The following PKD1 variants were observed in gnomAD, a reference collection of about 807,000 sequenced individuals.
PKD1 encodes the protein polycystin-1.
Under a neutral mutation model 361.7 loss-of-function variants are expected in PKD1, and 81 were observed. That is an observed-to-expected ratio of 0.22 (90% confidence interval 0.19 to 0.27). The LOEUF (loss-of-function observed/expected upper bound fraction) is 0.27, where lower values mean the gene tolerates loss of function less well. PKD1 is among the 10% of genes least tolerant of loss of function. The pLI, the probability that PKD1 is intolerant of heterozygous loss-of-function variation, is 1.00. For missense variants in PKD1, 6,399 were observed against 6,118.3 expected (o/e 1.05, Z -1.53); for synonymous variants, 3,615 against 2,818.3 (o/e 1.28, Z -8.95).
intron 32 of PKD1, 31 bp from the exon 33 acceptor site, chr16:2,097,534 G>C (rs1174858763): frequency 1.2e-6 from 2 of 1,602,446 alleles, no homozygotes; most frequent in East Asian, 2.2e-5. Flanking sequence ...CAAGGTACCA[G>C]GGGATGTGTC....
chr16:2,112,684 C>T (rs1349077479), intron 13 of PKD1, 104 bp downstream of exon 13: 11 of 1,304,360 alleles, frequency 8.4e-6, no homozygotes, highest in East Asian at 2.5e-5. Context: ...ACAGGGAAAC[C>T]GAGGCTCAGA....
chr16:2,118,541 C>T lies in PKD1; in HGVS notation c.530-79G>A. On this transcript the variant is annotated intron_variant, in intron 4 of 45. Transcript: ENST00000262304. This position sits in a 1 kb window ranked among gnomAD's most constrained non-coding sequence, Gnocchi z 6.0. Reference sequence around the variant, plus strand: ...CGCCCCCACATCCGCCCGCCGCACTCACAGGCTCCCATGCTGTTCCCTTGG... The same window carrying T: ...CGCCCCCACATCCGCCCGCCGCACTTACAGGCTCCCATGCTGTTCCCTTGG... 4 of 1,267,750 alleles carry T rather than the reference C, an allele frequency of 3.2e-6. No homozygotes were observed. Among genetic ancestry groups the T allele is most frequent in the Non-Finnish European group, 4.4e-6 (4 of 903,528 alleles). 78.5% of individuals were successfully genotyped at this position (1,267,750 alleles called of 1,614,324 possible).
rs764087505 is a variant in PKD1 at position 2,109,044 on chromosome 16, G to T, written c.6123C>A (p.Arg2041=). 2 of 1,607,916 alleles carry T rather than the reference G, an allele frequency of 1.2e-6. No individual in the cohort carries two copies. The highest frequency in any genetic ancestry group is 2.2e-5 in the South Asian group (2 of 90,970). The change falls in exon 15 of 46, where the codon CGC becomes CGA. Residue 2041 remains arginine (R), a synonymous_variant. Transcript: ENST00000262304. ...VAAGLLEIQV[R]AFNALGSENR... Reference sequence around the variant, plus strand: ...TCTCACTGCCCAGGGCGTTGAAGGCGCGCACCTGGATCTCCAACAGCCCCG... The same window carrying T: ...TCTCACTGCCCAGGGCGTTGAAGGCTCGCACCTGGATCTCCAACAGCCCCG...
At position 2,103,494 on chromosome 16, in the gene PKD1, T is replaced by C. The variant is rs778092461; in HGVS notation, c.8563A>G (p.Thr2855Ala). The change falls in exon 23 of 46, where the codon ACA becomes GCA. Residue 2855 changes from threonine to alanine, a missense_variant. By Grantham distance (58) the Thr-to-Ala change is moderately conservative. Transcript: ENST00000262304. The stretch of plus-strand genomic sequence containing the variant: ...ATGGGGATCTGGGCGCCGGCCTGTG[T>C]CTGGAATGCCATCGAGGCCACCTTG... The part of the protein sequence containing the change: ...STKVASMAFQ[T>A]QAGAQIPIER... 2 of 1,603,574 alleles carry C rather than the reference T, an allele frequency of 1.2e-6. No individual in the cohort carries two copies. The highest frequency in any genetic ancestry group is 2.2e-5 in the South Asian group (2 of 90,992).
chr16:2,090,564 G>A lies in PKD1; in HGVS notation c.12165C>T (p.Leu4055=), dbSNP rs375183934. ...ILLVSSCVDS[L]WSVAQALLVL... ...CCAACAGGGCCTGGGCCACGCTCCA[G>A]AGGGAGTCCACACAGGAAGACACGA... Residue 4055 remains leucine, a synonymous_variant, in exon 45 of 46, where the codon CTC becomes CTT. Coordinates refer to ENST00000262304, the MANE Select transcript of PKD1 (RefSeq NM_001009944.3). 11 of 1,609,130 alleles carry A rather than the reference G, an allele frequency of 6.8e-6. No individual in the cohort carries two copies. The highest frequency in any genetic ancestry group is 2.2e-5 in the East Asian group (1 of 44,860).
intron 1 of PKD1, among the ~76,000 whole-genome samples, chr16:2,131,220 C>T (rs1336169979): frequency 2.6e-5 from 4 of 152,136 alleles, no homozygotes; most frequent in Non-Finnish European, 4.4e-5. Context: ...TAGACATCAT[C>T]GGACATTTAA....
rs548165221 is a variant in PKD1 at position 2,107,837 on chromosome 16, G to A, written c.7065+46C>T. The A allele has an allele frequency of 1.5e-5, 23 of 1,524,954 alleles. No individual in the cohort carries two copies. In the South Asian group the frequency reaches 2.6e-4, roughly 17 times the overall value. 94.5% of individuals were successfully genotyped at this position (1,524,954 alleles called of 1,614,324 possible). A position where few individuals can be genotyped will look rare whatever the true frequency, so the allele number is the denominator to read the frequency against. On this transcript the variant is annotated intron_variant, in intron 16 of 45. Coordinates refer to ENST00000262304, the MANE Select transcript of PKD1 (RefSeq NM_001009944.3). ...ACGGAAAACAGTAGATGACCAGGGA[G>A]GCTGGGCTGTCCAAGGCAAGTGGCC... is the stretch of plus-strand genomic sequence containing the variant.
rs750872411 is a variant in PKD1, at chr16:2,093,968, G to A, written c.10664C>T (p.Ala3555Val). ...CAGGCTGAGCCCGTGGGCCAGGGAGGCACACCAGGCCGGCAGCAGGCGCTT... is the reference window on the plus strand; with the variant it reads ...CAGGCTGAGCCCGTGGGCCAGGGAGACACACCAGGCCGGCAGCAGGCGCTT... ...LRKRLLPAWC[A>V]SLAHGLSLLL... Residue 3555 changes from alanine (A) to valine (V), a missense_variant, in exon 36 of 46, where the codon GCC becomes GTC. By Grantham distance (64) the Ala-to-Val change is moderately conservative (BLOSUM62 0). Coordinates refer to ENST00000262304, the MANE Select transcript of PKD1 (RefSeq NM_001009944.3). 10 of 1,587,202 alleles carry A rather than the reference G, an allele frequency of 6.3e-6. No homozygotes were observed. The highest frequency in any genetic ancestry group is 7.7e-6 in the Non-Finnish European group (9 of 1,170,032).
At position 2,118,456 on chromosome 16, in the gene PKD1, T is replaced by C. The variant is rs1226421322; in HGVS notation, c.536A>G (p.Glu179Gly). The change falls in exon 5 of 46, where the codon GAG becomes GGG. Residue 179 changes from glutamate (E) to glycine (G), a missense_variant. By Grantham distance (98) the Glu-to-Gly change is moderately conservative (BLOSUM62 -2). Transcript: ENST00000262304. The surrounding 1 kb of genome is among the most constrained non-coding windows in gnomAD (Gnocchi z 6.0). ...IPLLDSGCGEEYVACLPDNSS... is the reference protein window; with the variant it reads ...IPLLDSGCGEGYVACLPDNSS... ...GTTGTCAGGGAGGCAGGCGACATAC[T>C]CCTCACCTAGAAGAGGCAGCCACTG... 3.2e-6 allele frequency: 4 copies of C among 1,237,476 alleles called. No homozygotes were observed. The highest frequency in any genetic ancestry group is 2.6e-4 in the Middle Eastern group (1 of 3,792). 76.7% of individuals were successfully genotyped at this position (1,237,476 alleles called of 1,614,324 possible). A position where few individuals can be genotyped will look rare whatever the true frequency, so the allele number is the denominator to read the frequency against.
At position 2,093,888 on chromosome 16, in the gene PKD1, G is replaced by C; in HGVS notation, c.10744C>G (p.Pro3582Ala). ...VSGWVGASFPPGVSVAWLLSS... is the reference protein window; with the variant it reads ...VSGWVGASFPAGVSVAWLLSS... ...AGGAGCCACGCAACACTCACGCCCG[G>C]GGGGAAGCTCGCACCCACCCACCCT... Residue 3582 changes from proline to alanine, a missense_variant, in exon 36 of 46, where the codon CCG (proline) becomes GCG (alanine). Pro to Ala is a conservative substitution (Grantham distance 27). Transcript: ENST00000262304. 1.3e-6 allele frequency: 2 copies of C among 1,578,434 alleles called. No homozygotes were observed. Among genetic ancestry groups the C allele is most frequent in the Non-Finnish European group, 1.7e-6 (2 of 1,167,728 alleles).
In PKD1 at chr16:2,111,854, C is replaced by T. The variant is rs375703044; in HGVS notation, c.3313G>A (p.Val1105Met). The T allele has an allele frequency of 7.5e-6, 12 of 1,610,136 alleles. No homozygotes were observed. Among genetic ancestry groups the T allele is most frequent in the African/African-American group, 5.3e-5 (4 of 74,840 alleles). ...YAAPGEYLLT[V>M]LASNAFENLT... ...TTCTCGAAGGCATTAGATGCCAGCACGGTCAGGAGGTACTCACCTGTGGGG... is the reference window on the plus strand; with the variant it reads ...TTCTCGAAGGCATTAGATGCCAGCATGGTCAGGAGGTACTCACCTGTGGGG... Residue 1105 changes from valine (V) to methionine (M), a missense_variant, in exon 15 of 46, where the codon GTG (valine) becomes ATG (methionine). Transcript: ENST00000262304.
In PKD1 at chr16:2,093,850, G is replaced by C; in HGVS notation, c.10782C>G (p.Ala3594=). 2 of 1,565,476 alleles carry C rather than the reference G, an allele frequency of 1.3e-6. No homozygotes were observed. Among genetic ancestry groups the C allele is most frequent in the Non-Finnish European group, 1.7e-6 (2 of 1,161,334 alleles). Reference sequence around the variant, plus strand: ...AGCCGAGGAATGAGGCCAGGAAGCTGGCGCTGCTGGACAGGAGCCACGCAA... The same window carrying C: ...AGCCGAGGAATGAGGCCAGGAAGCTCGCGCTGCTGGACAGGAGCCACGCAA... The part of the protein sequence containing the change: ...VSVAWLLSSS[A]SFLASFLGWE... The change falls in exon 36 of 46, where the codon GCC becomes GCG. Residue 3594 remains alanine (A), a synonymous_variant. Transcript: ENST00000262304.
In PKD1 at chr16:2,090,316, C is replaced by A; in HGVS notation, c.12413G>T (p.Arg4138Leu). The A allele has an allele frequency of 6.2e-7, 1 of 1,611,558 alleles. No individual in the cohort carries two copies. The highest frequency in any genetic ancestry group is 1.1e-5 in the South Asian group (1 of 90,998). ...GACCTTGCTGAGGCCCATCCAGAGG[C>A]GCAGCCTGCGCAGGAACAACTCCAC... is the stretch of plus-strand genomic sequence containing the variant. ...EMVELFLRRL[R>L]LWMGLSKVKE... The change falls in exon 45 of 46, where the codon CGC becomes CTC. Residue 4138 changes from arginine to leucine, a missense_variant. By Grantham distance (102) the Arg-to-Leu change is moderately radical. Coordinates refer to ENST00000262304, the MANE Select transcript of PKD1 (RefSeq NM_001009944.3).
Position 2,109,215 on chromosome 16 carries a change from G to C in PKD1, c.5952C>G (p.Ile1984Met). 2 of 1,593,482 alleles carry C rather than the reference G, an allele frequency of 1.3e-6. No homozygotes were observed. The part of the protein sequence containing the change: ...LQVPNCCEPG[I>M]ATGTERNFTA... ...TGAAGTTCCTCTCAGTGCCCGTGGC[G>C]ATGCCAGGCTCGCAGCAGTTGGGCA... The change falls in exon 15 of 46, where the codon ATC (isoleucine) becomes ATG (methionine). Residue 1984 changes from isoleucine (I) to methionine (M), a missense_variant. Physicochemically the swap from Ile to Met is conservative, Grantham distance 10. Coordinates refer to ENST00000262304, the MANE Select transcript of PKD1 (RefSeq NM_001009944.3).
intron 1 of PKD1, among the ~76,000 whole-genome samples, chr16:2,128,325 G>A (rs1444629673): frequency 7.8e-6 from 1 of 127,480 alleles, no homozygotes; most frequent in Non-Finnish European, 1.7e-5. Context: ...AGAGGTGGGA[G>A]GGGCTGGCAG....
In PKD1 at chr16:2,111,727, T is replaced by A. The variant is rs2092511504; in HGVS notation, c.3440A>T (p.Tyr1147Phe). ...CCCAGGCGAGGGCAGCGGGTGCGGG[T>A]AGAAGGTGACGGGCCGGCCGGCCAC... Reference protein sequence around the residue: ...VLVAGRPVTFYPHPLPSPGGV... With the variant: ...VLVAGRPVTFFPHPLPSPGGV... Residue 1147 changes from tyrosine (Y) to phenylalanine (F), a missense_variant, in exon 15 of 46, where the codon TAC becomes TTC. Coordinates refer to ENST00000262304, the MANE Select transcript of PKD1 (RefSeq NM_001009944.3). The A allele has an allele frequency of 6.3e-7, 1 of 1,594,996 alleles. No homozygotes were observed. The highest frequency in any genetic ancestry group is 1.7e-5 in the Admixed American group (1 of 57,310).
chr16:2,090,753 CATA>C lies in PKD1; in HGVS notation c.12056_12058del (p.Leu4019del). The C allele has an allele frequency of 1.2e-6, 2 of 1,612,678 alleles. No homozygotes were observed. Among genetic ancestry groups the C allele is most frequent in the South Asian group, 1.1e-5 (1 of 91,092 alleles). On this transcript the variant is annotated inframe_deletion, in exon 44 of 46. Transcript: ENST00000262304. ...CCCCAGGAGCTCTGGCAGAGCTCGG[CATA>C]ATGTCTTGCCAAAGACGGACCACTG...
intron 38 of PKD1, 59 bp downstream of exon 38, chr16:2,092,895 G>C (rs2091663345): frequency 6.3e-7 from 1 of 1,599,014 alleles, no homozygotes. Flanking sequence ...CTAGGGTCTG[G>C]CTGGACTAAA....
At position 2,089,534 on chromosome 16, in the gene PKD1, G is replaced by A. The variant is rs539581650; in HGVS notation, c.*193C>T. On this transcript the variant is annotated 3_prime_UTR_variant, in exon 46 of 46. Coordinates refer to ENST00000262304, the MANE Select transcript of PKD1 (RefSeq NM_001009944.3). ...GTCCTTCCCAAGGGAGCTGGGGAGGGGACCCTGGGTCCTGGTTGGCCACAC... is the reference window on the plus strand; with the variant it reads ...GTCCTTCCCAAGGGAGCTGGGGAGGAGACCCTGGGTCCTGGTTGGCCACAC... 28 of 652,010 alleles carry A rather than the reference G, an allele frequency of 4.3e-5. No individual in the cohort carries two copies. The African/African-American group carries it at 4.7e-4, about 11-fold the overall frequency. 40.4% of individuals were successfully genotyped at this position (652,010 alleles called of 1,614,324 possible). A position where few individuals can be genotyped will look rare whatever the true frequency, so the allele number is the denominator to read the frequency against.
Sources: allele counts gnomAD v4.1 joint callset (sites outside exome capture counted in the v4.1 genomes callset), GRCh38; gene constraint gnomAD v4.1.1; non-coding constraint Gnocchi (gnomAD v3.1); transcripts MANE v1.5; gene names NCBI Gene and HGNC (gene_info 2026-07-23, HGNC 2026-07-21).